The following TNR variants were observed in gnomAD, a reference collection of about 807,000 sequenced individuals.
The protein encoded by TNR is tenascin-R.
A neutral mutation model predicts 150.4 loss-of-function variants in TNR; 45 were observed. The observed-to-expected ratio is 0.30, with a 90% CI of 0.24 to 0.38. The LOEUF (loss-of-function observed/expected upper bound fraction) is 0.38, where lower values mean the gene tolerates loss of function less well. Among genes scored for constraint, TNR ranks in the 10% least tolerant of loss-of-function variants. The pLI is 1.00. For missense variants in TNR, 1,544 were observed against 1,759.1 expected (o/e 0.88, Z 2.19); for synonymous variants, 687 against 678.4 (o/e 1.01, Z -0.20).
chr1:175,531,441 A>G (rs553776739), intron 1 of TNR, among the ~76,000 whole-genome samples: 3 of 152,208 alleles, frequency 2.0e-5, no homozygotes, highest in Non-Finnish European at 4.4e-5. Flanking sequence ...GTCTCAAGGT[A>G]GTCATATATT....
At chr1:175,461,967 G>A (rs1260750547) in intron 2 of TNR, among the ~76,000 whole-genome samples, 2 of 152,178 alleles carry the variant, frequency 1.3e-5, no homozygotes, top group East Asian at 1.9e-4. Flanking sequence ...AACTACTTTC[G>A]CTACTCTGCA....
In TNR at chr1:175,516,732, C is replaced by T. The variant is rs375632440; in HGVS notation, c.-64+11537G>A. On this transcript the variant is annotated intron_variant, in intron 2 of 22. Coordinates refer to ENST00000367674, the MANE Select transcript of TNR (RefSeq NM_003285.3). The stretch of plus-strand genomic sequence containing the variant: ...TAGCTGCTGATTTAAGAGTTTGAGT[C>T]GGAGGGAACAGGAAGAATTAGGGCA... 3.3e-5 allele frequency among the ~76,000 whole-genome samples: 5 copies of T among 152,056 alleles called. No individual in the cohort carries two copies. The South Asian group carries it at 6.3e-4, about 19-fold the overall frequency.
At chr1:175,637,682 C>CA (rs1664529746) in intron 1 of TNR, among the ~76,000 whole-genome samples, 1 of 152,192 alleles carries the variant, frequency 6.6e-6, no homozygotes, top group Non-Finnish European at 1.5e-5. Context: ...ATCAGCTAAT[C>CA]AATGGCTGGA....
At chr1:175,465,503 G>A (rs796612258) in intron 2 of TNR, among the ~76,000 whole-genome samples, 5 of 152,308 alleles carry the variant, frequency 3.3e-5, no homozygotes, top group African/African-American at 1.2e-4. Context: ...GAAGTAAGAA[G>A]ATGCTTGCTT....
intron 1 of TNR, among the ~76,000 whole-genome samples, chr1:175,539,578 T>G (rs1440661319): frequency 6.6e-6 from 1 of 152,170 alleles, no homozygotes; most frequent in African/African-American, 2.4e-5. Context: ...TGACCTAGGA[T>G]CCATATCCTC....
intron 2 of TNR, among the ~76,000 whole-genome samples, chr1:175,456,646 G>A (rs1656585578): frequency 6.6e-6 from 1 of 152,036 alleles, no homozygotes; most frequent in Non-Finnish European, 1.5e-5. Flanking sequence ...TTTTAAGTTA[G>A]CAGCTCTTGA....
intron 2 of TNR, among the ~76,000 whole-genome samples, chr1:175,463,561 A>C (rs1249974296): frequency 1.3e-5 from 2 of 152,168 alleles, no homozygotes; most frequent in African/African-American, 4.8e-5. Context: ...TCATATCCTT[A>C]CCCAGCAATG....
At chr1:175,405,412 T>C (rs1350502853) in intron 3 of TNR, among the ~76,000 whole-genome samples, 1 of 152,178 alleles carries the variant, frequency 6.6e-6, no homozygotes, top group Non-Finnish European at 1.5e-5. Context: ...GGATCTGAAC[T>C]TGGGAATTCT....
At chr1:175,454,612 CA>C (rs981491569) in intron 2 of TNR, among the ~76,000 whole-genome samples, 1 of 151,018 alleles carries the variant, frequency 6.6e-6, no homozygotes, top group Non-Finnish European at 1.5e-5. Flanking sequence ...GCTGGGATTA[CA>C]GGCATGTGCC....
At chr1:175,653,647 G>C (rs1571717767) in intron 1 of TNR, among the ~76,000 whole-genome samples, 1 of 152,152 alleles carries the variant, frequency 6.6e-6, no homozygotes, top group African/African-American at 2.4e-5. Context: ...TCTGTATCTT[G>C]AGTTTATAGG....
At chr1:175,380,341 C>A (rs1270285512) in intron 8 of TNR, among the ~76,000 whole-genome samples, 2 of 66 alleles carry the variant, frequency 0.03, no homozygotes, top group African/African-American at 0.17. Context: ...CCCTGCTTGG[C>A]CTTGATGGCA....
At chr1:175,405,620 T>A (rs2629480) in intron 3 of TNR, among the ~76,000 whole-genome samples, 25 of 7,290 alleles carry the variant, frequency 3.4e-3, no homozygotes, top group Non-Finnish European at 3.7e-3. Flanking sequence ...TGTGTGAGAG[T>A]GTGTGTGTGT....
In TNR at chr1:175,346,890, A is replaced by C. The variant is rs1341222746; in HGVS notation, c.3382+7501T>G. ...CCTGAACAAGTTATTCCACAAAAGAAAAAAAAAAAAAAGAAGCAAAAAAGA... is the reference window on the plus strand; with the variant it reads ...CCTGAACAAGTTATTCCACAAAAGACAAAAAAAAAAAAGAAGCAAAAAAGA... On this transcript the variant is annotated intron_variant, in intron 18 of 22. Coordinates refer to ENST00000367674, the MANE Select transcript of TNR (RefSeq NM_003285.3). Among the ~76,000 whole-genome samples, 3 of 148,394 alleles carry C rather than the reference A, an allele frequency of 2.0e-5. No individual in the cohort carries two copies. In the South Asian group the frequency reaches 6.3e-4, roughly 31 times the overall value.
chr1:175,547,564 GGAAA>G (rs61602065), intron 1 of TNR, among the ~76,000 whole-genome samples: 8,344 of 130,830 alleles, frequency 0.064, 289 homozygotes, highest in East Asian at 0.092. Flanking sequence ...AAAGATAGAA[GGAAA>G]GAAAGAAAGA....
At chr1:175,612,093 G>A (rs758559326) in intron 1 of TNR, among the ~76,000 whole-genome samples, 7 of 152,178 alleles carry the variant, frequency 4.6e-5, no homozygotes, top group Non-Finnish European at 8.8e-5. Flanking sequence ...GATGCAGTAT[G>A]ATAAACCCTG....
intron 2 of TNR, among the ~76,000 whole-genome samples, chr1:175,526,711 A>T (rs1659860917): frequency 6.6e-6 from 1 of 152,260 alleles, no homozygotes; most frequent in Admixed American, 6.5e-5. Flanking sequence ...TGCATGGGAA[A>T]TGAAGGTGAG....
At chr1:175,656,106 C>T (rs1409284374) in intron 1 of TNR, among the ~76,000 whole-genome samples, 1 of 149,842 alleles carries the variant, frequency 6.7e-6, no homozygotes, top group Non-Finnish European at 1.5e-5. Flanking sequence ...TTAAAAAAAT[C>T]TATCCTTACA....
At chr1:175,444,895 T>C (rs1655968878) in intron 2 of TNR, among the ~76,000 whole-genome samples, 1 of 152,314 alleles carries the variant, frequency 6.6e-6, no homozygotes, top group East Asian at 1.9e-4. Context: ...GGAAAGCCTG[T>C]GCAAAGGCCC....
At chr1:175,514,320 G>C (rs1396566174) in intron 2 of TNR, among the ~76,000 whole-genome samples, 1 of 152,252 alleles carries the variant, frequency 6.6e-6, no homozygotes, top group Non-Finnish European at 1.5e-5. Context: ...TGGGTAGCCT[G>C]TACCCTGCAT....
Sources: allele counts gnomAD v4.1 joint callset (sites outside exome capture counted in the v4.1 genomes callset), GRCh38; gene constraint gnomAD v4.1.1; transcripts MANE v1.5; gene names NCBI Gene and HGNC (gene_info 2026-07-23, HGNC 2026-07-21).